The following KCNU1 variants were observed in gnomAD, a reference collection of about 807,000 sequenced individuals.
KCNU1 encodes the protein potassium channel subfamily U member 1.
In KCNU1, 93 loss-of-function variants were observed where a neutral mutation model predicts 126.8. The observed-to-expected ratio is 0.73, with a 90% CI of 0.62 to 0.87. The LOEUF is 0.87. Ranked by LOEUF, KCNU1 falls within the 40% of genes least tolerant of loss-of-function variation. The pLI is 0.00. For missense variants in KCNU1, 1,330 were observed against 1,367.1 expected, an observed-to-expected ratio of 0.97 and a Z score of 0.43; for synonymous variants, 523 against 494.2, an observed-to-expected ratio of 1.06 and a Z score of -0.77.
At chr8:36,848,565 C>T (rs1805231588) in intron 18 of KCNU1, among the ~76,000 whole-genome samples, 1 of 152,158 alleles carries the variant, frequency 6.6e-6, no homozygotes, top group African/African-American at 2.4e-5. Flanking sequence ...GTTTGTGGCA[C>T]TTCATTGGCC....
intron 19 of KCNU1, among the ~76,000 whole-genome samples, chr8:36,894,194 C>T (rs1402921612): frequency 2.0e-5 from 3 of 152,092 alleles, no homozygotes; most frequent in Non-Finnish European, 4.4e-5. Flanking sequence ...AAGCATTGTG[C>T]TTAATTTCAA....
chr8:36,918,277 C>T (rs1808196721), intron 22 of KCNU1, among the ~76,000 whole-genome samples: 1 of 152,010 alleles, frequency 6.6e-6, no homozygotes, highest in African/African-American at 2.4e-5. Flanking sequence ...CACGATGGCT[C>T]ATAGCTGTAA....
intron 16 of KCNU1, among the ~76,000 whole-genome samples, chr8:36,844,877 G>C (rs1805086591): frequency 6.6e-6 from 1 of 152,196 alleles, no homozygotes; most frequent in African/African-American, 2.4e-5. Context: ...AGGAGATCCT[G>C]ATAAACAGGG....
At chr8:36,894,480 G>A (rs10092242) in intron 19 of KCNU1, among the ~76,000 whole-genome samples, 52,278 of 151,870 alleles carry the variant, frequency 0.34, 9,675 homozygotes, top group Admixed American at 0.42. Flanking sequence ...AAACTACCTA[G>A]TACTATTAAC....
intron 16 of KCNU1, among the ~76,000 whole-genome samples, chr8:36,841,965 G>A (rs1804973184): frequency 6.7e-6 from 1 of 149,870 alleles, no homozygotes; most frequent in African/African-American, 2.4e-5. Context: ...ATAATATAGA[G>A]AAAAAGATCT....
At chr8:36,921,047 G>C (rs1228078881) in intron 23 of KCNU1, among the ~76,000 whole-genome samples, 1 of 152,102 alleles carries the variant, frequency 6.6e-6, no homozygotes, top group Non-Finnish European at 1.5e-5. Context: ...AGAGTCTAAG[G>C]CTATCCTATT....
At chr8:36,828,375 C>T (rs1804401991) in intron 10 of KCNU1, among the ~76,000 whole-genome samples, 1 of 152,024 alleles carries the variant, frequency 6.6e-6, no homozygotes, top group South Asian at 2.1e-4. Flanking sequence ...ACTGTATAAT[C>T]CTCCCCATAT....
At chr8:36,843,433 A>AT (rs1805027427) in intron 16 of KCNU1, among the ~76,000 whole-genome samples, 1 of 152,202 alleles carries the variant, frequency 6.6e-6, no homozygotes, top group Non-Finnish European at 1.5e-5. Context: ...CCTGTTACAT[A>AT]TGTTAACTCT....
intron 19 of KCNU1, among the ~76,000 whole-genome samples, chr8:36,878,298 G>A (rs1806345519): frequency 6.6e-6 from 1 of 152,142 alleles, no homozygotes; most frequent in Non-Finnish European, 1.5e-5. Context: ...TGGCCTTCAG[G>A]TGAGACTGGA....
At chr8:36,904,199 A>C (rs911261739) in intron 19 of KCNU1, among the ~76,000 whole-genome samples, 3 of 152,184 alleles carry the variant, frequency 2.0e-5, no homozygotes, top group African/African-American at 7.2e-5. Context: ...ATGAAATCTC[A>C]GTGGCTGCAC....
At chr8:36,807,240 C>A in intron 5 of KCNU1, 135 bp from the exon 6 acceptor site, 1 of 685,742 alleles carries the variant, frequency 1.5e-6, no homozygotes, top group Non-Finnish European at 2.6e-6. Flanking sequence ...TGCTGTTAAG[C>A]CTATAACATG....
intron 24 of KCNU1, chr8:36,923,116 A>G (rs1430519679): frequency 8.8e-6 from 4 of 454,306 alleles, no homozygotes; most frequent in Admixed American, 2.4e-5. Flanking sequence ...TCTTGACTAC[A>G]TGGTTATTCT....
chr8:36,907,058 T>A (rs950187964), intron 20 of KCNU1, among the ~76,000 whole-genome samples: 1 of 152,174 alleles, frequency 6.6e-6, no homozygotes, highest in Non-Finnish European at 1.5e-5. Context: ...TCCCTTATGA[T>A]ACTTGATATG....
At chr8:36,800,806 A>G (rs1402092408) in intron 2 of KCNU1, among the ~76,000 whole-genome samples, 2 of 152,246 alleles carry the variant, frequency 1.3e-5, no homozygotes, top group Admixed American at 6.5e-5. Flanking sequence ...ATGACTGACA[A>G]CAGTATAGGT....
At chr8:36,787,757 G>A (rs189745063) in intron 2 of KCNU1, among the ~76,000 whole-genome samples, 1 of 146,890 alleles carries the variant, frequency 6.8e-6, no homozygotes, top group Non-Finnish European at 1.5e-5. Flanking sequence ...ATATGTAATT[G>A]TATAGAATAT....
chr8:36,788,719 C>T (rs1444731816), intron 2 of KCNU1, among the ~76,000 whole-genome samples: 2 of 152,126 alleles, frequency 1.3e-5, no homozygotes, highest in Non-Finnish European at 2.9e-5. Context: ...GATCTCTTTT[C>T]CTGAAATCTC....
intron 22 of KCNU1, among the ~76,000 whole-genome samples, chr8:36,915,756 AC>A (rs1191378980): frequency 6.6e-6 from 1 of 152,090 alleles, no homozygotes; most frequent in Non-Finnish European, 1.5e-5. Context: ...CCCCTTTGGG[AC>A]CTTATCTAAA....
chr8:36,808,800 A>G lies in KCNU1; in HGVS notation c.732+7A>G, dbSNP rs13439401. ...TGCGGGATTCATTCACCTGGTAAGC[A>G]TCTCATCACAATCCCTAGTGGTGTC... On this transcript the variant is annotated splice_region_variant and intron_variant, in intron 7 of 26. Transcript: ENST00000399881. 15,920 of 1,598,658 alleles carry G rather than the reference A, an allele frequency of 1.0e-2. 1,363 individuals are homozygous for G. In the African/African-American group the frequency reaches 0.18, roughly 19 times the overall value.
At chr8:36,794,913 G>A (rs2130359668) in intron 2 of KCNU1, among the ~76,000 whole-genome samples, 1 of 152,040 alleles carries the variant, frequency 6.6e-6, no homozygotes, top group African/African-American at 2.4e-5. Context: ...GGGCAACAGA[G>A]CAAAACTGTC....
Sources: gnomAD v4.1 joint callset for allele counts (sites outside exome capture counted in the v4.1 genomes callset) on GRCh38, gnomAD v4.1.1 for gene constraint, MANE v1.5 for transcripts, NCBI Gene and HGNC (gene_info 2026-07-23, HGNC 2026-07-21) for gene names.